The following UBE2W variants were observed in gnomAD, a reference collection of about 807,000 sequenced individuals.
UBE2W encodes ubiquitin conjugating enzyme E2 W.
UBE2W carries 18 observed loss-of-function variants against 27.2 expected under a neutral mutation model. The ratio of observed to expected loss-of-function variants is 0.66; its 90% confidence interval spans 0.46 to 0.98. UBE2W has a LOEUF of 0.98. Ranked by LOEUF, UBE2W falls within the 50% of genes least tolerant of loss-of-function variation. UBE2W has a pLI of 0.00. For synonymous variants in UBE2W, 53 were observed against 57.2 expected, an observed-to-expected ratio of 0.93 and a Z score of 0.33; for missense variants, 90 against 180.2, an observed-to-expected ratio of 0.50 and a Z score of 2.87.
In UBE2W at chr8:73,787,843, G is replaced by T. The variant is rs545701643; in HGVS notation, c.*6259C>A. Reference sequence around the variant, plus strand: ...TCACGATAACTCTAAGCAAGTGCCTGGGTCTCCATTTCCATCTTCACTGAA... The same window carrying T: ...TCACGATAACTCTAAGCAAGTGCCTTGGTCTCCATTTCCATCTTCACTGAA... On this transcript the variant is annotated 3_prime_UTR_variant, in exon 6 of 6. Coordinates refer to ENST00000602593, the MANE Select transcript of UBE2W (RefSeq NM_018299.6). 7 of 985,298 alleles carry T rather than the reference G, an allele frequency of 7.1e-6. No individual in the cohort carries two copies. Among genetic ancestry groups the T allele is most frequent in the Non-Finnish European group, 7.2e-6 (6 of 829,874 alleles). The allele number at this position is 985,298 out of a possible 1,614,324, so 61.0% of individuals were successfully genotyped here. A position where few individuals can be genotyped will look rare whatever the true frequency, so the allele number is the denominator to read the frequency against.
At position 73,788,049 on chromosome 8, in the gene UBE2W, C is replaced by T. The variant is rs1417352674; in HGVS notation, c.*6053G>A. On this transcript the variant is annotated 3_prime_UTR_variant, in exon 6 of 6. Coordinates refer to ENST00000602593, the MANE Select transcript of UBE2W (RefSeq NM_018299.6). ...TTCAGTCTTTTGTGAAGAGAAACTA[C>T]TGTACAAATACTTTTACGTCATAAA... is the stretch of plus-strand genomic sequence containing the variant. 4 of 985,208 alleles carry T rather than the reference C, an allele frequency of 4.1e-6. No individual in the cohort carries two copies. Among genetic ancestry groups the T allele is most frequent in the East Asian group, 1.1e-4 (1 of 8,830 alleles). 61.0% of individuals were successfully genotyped at this position (985,208 alleles called of 1,614,324 possible).
chr8:73,832,941 G>A (rs1810140776), intron 1 of UBE2W, among the ~76,000 whole-genome samples: 1 of 152,098 alleles, frequency 6.6e-6, no homozygotes, highest in Non-Finnish European at 1.5e-5. Flanking sequence ...TGTAATCCCA[G>A]CACTTTGGGA....
Position 73,813,083 on chromosome 8 carries a change from C to CAAAAAAAAAAAAAAAAA in UBE2W, c.211-2471_211-2455dup, listed in dbSNP as rs56094830. Among the ~76,000 whole-genome samples, 40 of 43,458 alleles carry CAAAAAAAAAAAAAAAAA rather than the reference C, an allele frequency of 9.2e-4. 9 individuals carry two copies. The highest frequency in any genetic ancestry group is 1.5e-3 in the East Asian group (2 of 1,294). The allele number at this position is 43,458 out of a possible 152,430, so 28.5% of individuals were successfully genotyped here. ...GAAGAATAGTGATCTGAAAGTGCCA[C>CAAAAAAAAAAAAAAAAA]AAAAAAAAAAAAAAAAAAAAAAAAA... is the stretch of plus-strand genomic sequence containing the variant. On this transcript the variant is annotated intron_variant, in intron 3 of 5. Coordinates refer to ENST00000602593, the MANE Select transcript of UBE2W (RefSeq NM_018299.6).
In UBE2W at chr8:73,786,455, G is replaced by T. The variant is rs1318510173; in HGVS notation, c.*7647C>A. 1.0e-6 allele frequency: 1 copy of T among 984,632 alleles called. No homozygotes were observed. Among genetic ancestry groups the T allele is most frequent in the African/African-American group, 1.7e-5 (1 of 57,230 alleles). The allele number at this position is 984,632 out of a possible 1,614,324, so 61.0% of individuals were successfully genotyped here. The stretch of plus-strand genomic sequence containing the variant: ...AGGTACTGTATACTAGGTACTGTGT[G>T]CTACGTGCTGGGGACACAAACACAA... On this transcript the variant is annotated 3_prime_UTR_variant, in exon 6 of 6. Transcript: ENST00000602593.
Position 73,788,208 on chromosome 8 carries a change from A to G in UBE2W, c.*5894T>C. ...TCTGCATTCAACTAACAAGTCTGAT[A>G]CATGTATTAAAAAATATATAACATA... On this transcript the variant is annotated 3_prime_UTR_variant, in exon 6 of 6. Coordinates refer to ENST00000602593, the MANE Select transcript of UBE2W (RefSeq NM_018299.6). The G allele has an allele frequency of 3.2e-6, 3 of 940,640 alleles. No individual in the cohort carries two copies. Among genetic ancestry groups the G allele is most frequent in the Non-Finnish European group, 3.8e-6 (3 of 789,376 alleles). The allele number at this position is 940,640 out of a possible 1,614,324, so 58.3% of individuals were successfully genotyped here. A position where few individuals can be genotyped will look rare whatever the true frequency, so the allele number is the denominator to read the frequency against.
At chr8:73,845,871 C>T (rs1043990944) in intron 1 of UBE2W, among the ~76,000 whole-genome samples, 2 of 152,014 alleles carry the variant, frequency 1.3e-5, no homozygotes, top group African/African-American at 2.4e-5. Context: ...CCAATTTAAA[C>T]TCCTATACCA....
At chr8:73,817,535 T>C (rs1809444097) in intron 3 of UBE2W, among the ~76,000 whole-genome samples, 1 of 152,234 alleles carries the variant, frequency 6.6e-6, no homozygotes, top group East Asian at 1.9e-4. Flanking sequence ...TTGTTTTGTT[T>C]TGAGATGGAG....
chr8:73,857,274 C>T (rs967037818), intron 1 of UBE2W, among the ~76,000 whole-genome samples: 1 of 152,012 alleles, frequency 6.6e-6, no homozygotes, highest in African/African-American at 2.4e-5. Flanking sequence ...TTAATTCTTA[C>T]AGGAAGATTT....
Position 73,866,412 on chromosome 8 carries a change from A to C in UBE2W, c.15+12396T>G, listed in dbSNP as rs1811776558. On this transcript the variant is annotated intron_variant, in intron 1 of 5. Coordinates refer to ENST00000602593, the MANE Select transcript of UBE2W (RefSeq NM_018299.6). ...GGAACAGCTCTCCACTCACCCAGAGAAGTAACCTGAATCCAACTTGATACT... is the reference window on the plus strand; with the variant it reads ...GGAACAGCTCTCCACTCACCCAGAGCAGTAACCTGAATCCAACTTGATACT... 2.7e-5 allele frequency among the ~76,000 whole-genome samples: 4 copies of C among 150,174 alleles called. No homozygotes were observed. The Admixed American group carries it at 2.7e-4, about 10-fold the overall frequency.
chr8:73,810,676 C>T, intron 3 of UBE2W, 47 bp from the exon 4 acceptor site: 1 of 1,421,880 alleles, frequency 7.0e-7, no homozygotes, highest in Non-Finnish European at 9.3e-7. Context: ...TCTCTACTAC[C>T]AAAAACTAAA....
At chr8:73,870,276 C>T (rs947000218) in intron 1 of UBE2W, 1 of 1,587,416 alleles carries the variant, frequency 6.3e-7, no homozygotes, top group Non-Finnish European at 8.6e-7. Flanking sequence ...TACTGGAAAC[C>T]ATACTTCCAC....
At chr8:73,830,703 G>T (rs1810033188) in intron 1 of UBE2W, among the ~76,000 whole-genome samples, 1 of 151,782 alleles carries the variant, frequency 6.6e-6, no homozygotes, top group African/African-American at 2.4e-5. Flanking sequence ...CAGGCTGGTA[G>T]TGAACTCCTG....
intron 5 of UBE2W, among the ~76,000 whole-genome samples, chr8:73,800,379 T>C (rs1808588135): frequency 6.6e-6 from 1 of 152,000 alleles, no homozygotes; most frequent in African/African-American, 2.4e-5. Context: ...GGAGAAAATA[T>C]ATTAAGAGAT....
intron 1 of UBE2W, among the ~76,000 whole-genome samples, chr8:73,853,398 G>A (rs1343905305): frequency 2.0e-5 from 3 of 152,102 alleles, no homozygotes; most frequent in Admixed American, 2.0e-4. Flanking sequence ...CCGAGCAACT[G>A]GGCTACAGGT....
chr8:73,801,978 T>G (rs1290791264), intron 5 of UBE2W, among the ~76,000 whole-genome samples: 1 of 152,192 alleles, frequency 6.6e-6, no homozygotes. Flanking sequence ...GTGTGTGTAG[T>G]AGAATTAATT....
chr8:73,872,838 G>A (rs1194480632), intron 1 of UBE2W, among the ~76,000 whole-genome samples: 3 of 151,238 alleles, frequency 2.0e-5, no homozygotes, highest in Non-Finnish European at 4.4e-5. Context: ...GTGTATACTT[G>A]TGTACTGAGT....
intron 1 of UBE2W, among the ~76,000 whole-genome samples, chr8:73,846,531 C>T (rs999202089): frequency 1.3e-5 from 2 of 152,196 alleles, no homozygotes; most frequent in African/African-American, 4.8e-5. Context: ...TATGTGAATA[C>T]TTAAAATATA....
intron 5 of UBE2W, among the ~76,000 whole-genome samples, chr8:73,798,125 C>T (rs1384127631): frequency 6.6e-6 from 1 of 151,878 alleles, no homozygotes; most frequent in African/African-American, 2.4e-5. Flanking sequence ...CCATCTATAC[C>T]CCCCAACAAA....
intron 1 of UBE2W, among the ~76,000 whole-genome samples, chr8:73,875,895 C>CA (rs903093813): frequency 3.3e-5 from 5 of 151,788 alleles, no homozygotes; most frequent in Middle Eastern, 3.4e-3. Context: ...ACTAAAAACA[C>CA]AAAAAAAATT....
Sources: allele counts gnomAD v4.1 joint callset (sites outside exome capture counted in the v4.1 genomes callset), GRCh38; gene constraint gnomAD v4.1.1; transcripts MANE v1.5; gene names NCBI Gene and HGNC (gene_info 2026-07-23, HGNC 2026-07-21).